EOGT: variants seen among roughly 807,000 people sequenced by gnomAD.
EOGT encodes the protein EGF domain-specific O-linked N-acetylglucosamine transferase.
EOGT carries 55 observed loss-of-function variants against 70.5 expected under a neutral mutation model. The ratio of observed to expected loss-of-function variants is 0.78; its 90% CI spans 0.63 to 0.98. The LOEUF (loss-of-function observed/expected upper bound fraction) is 0.98, where lower values mean the gene tolerates loss of function less well. Ranked by LOEUF, EOGT falls within the 50% of genes least tolerant of loss-of-function variation. EOGT has a pLI of 0.00. For missense variants in EOGT, 703 were observed against 641.9 expected, an observed-to-expected ratio of 1.10 and a Z score of -1.03; for synonymous variants, 246 against 217.1, an observed-to-expected ratio of 1.13 and a Z score of -1.17.
In EOGT at chr3:68,985,203, T is replaced by C. The variant is rs149352328; in HGVS notation, c.1152+2242A>G. ...GTTGGCTAGTGAGGCTTCTCATTTG[T>C]ATTCCCAACATTGCACTATTTGATA... is the stretch of plus-strand genomic sequence containing the variant. On this transcript the variant is annotated intron_variant, in intron 14 of 17. Transcript: ENST00000383701. Among the ~76,000 whole-genome samples the C allele has an allele frequency of 6.5e-3, 984 of 152,322 alleles. 7 individuals carry two copies. Among genetic ancestry groups the C allele is most frequent in the Middle Eastern group, 0.031 (9 of 294 alleles).
intron 3 of EOGT, among the ~76,000 whole-genome samples, chr3:69,011,299 A>C (rs547411404): frequency 9.4e-5 from 14 of 149,720 alleles, no homozygotes; most frequent in Middle Eastern, 3.4e-3. Flanking sequence ...GGAAAACCCA[A>C]CTTTCGAAAT....
At position 69,004,991 on chromosome 3, in the gene EOGT, G is replaced by A. The variant is rs1275080360; in HGVS notation, c.515+149C>T. On this transcript the variant is annotated intron_variant, in intron 7 of 17. Coordinates refer to ENST00000383701, the MANE Select transcript of EOGT (RefSeq NM_001278689.2). ...GTGGGAGGATCACTTGGGTTTGGGA[G>A]GTCACAGCTGCACTGAGCCATGATT... 7.6e-6 allele frequency: 4 copies of A among 526,542 alleles called. No homozygotes were observed. In the African/African-American group the frequency reaches 7.8e-5, roughly 10 times the overall value. The allele number at this position is 526,542 out of a possible 1,614,324, so 32.6% of individuals were successfully genotyped here. A position where few individuals can be genotyped will look rare whatever the true frequency, so the allele number is the denominator to read the frequency against.
intron 10 of EOGT, among the ~76,000 whole-genome samples, chr3:68,991,993 C>T (rs1399019361): frequency 6.6e-6 from 1 of 152,098 alleles, no homozygotes; most frequent in Non-Finnish European, 1.5e-5. Context: ...AAAGACTGGC[C>T]CTCATGATTC....
chr3:68,991,290 T>A (rs1229506969), intron 10 of EOGT, among the ~76,000 whole-genome samples: 1 of 152,226 alleles, frequency 6.6e-6, no homozygotes, highest in Non-Finnish European at 1.5e-5. Context: ...TAAAATTTCC[T>A]TTAGTGTGTC....
chr3:68,989,102 G>C, intron 10 of EOGT, 85 bp from the exon 11 acceptor site: 1 of 742,308 alleles, frequency 1.3e-6, no homozygotes, highest in Non-Finnish European at 2.1e-6. Flanking sequence ...ACCTGAATTT[G>C]CCTGTGTTAA....
intron 4 of EOGT, among the ~76,000 whole-genome samples, chr3:69,009,304 G>A (rs779248662): frequency 3.4e-4 from 51 of 152,214 alleles, no homozygotes; most frequent in Non-Finnish European, 5.6e-4. Flanking sequence ...CTCATGTGCC[G>A]TTTAAGAAAG....
chr3:68,980,646 C>A (rs979538732), intron 15 of EOGT, among the ~76,000 whole-genome samples: 3 of 152,208 alleles, frequency 2.0e-5, no homozygotes, highest in Non-Finnish European at 4.4e-5. Context: ...CCCTTTTACA[C>A]CAGCTAACAA....
At chr3:68,992,722 G>A (rs1419622905) in intron 10 of EOGT, among the ~76,000 whole-genome samples, 1 of 152,224 alleles carries the variant, frequency 6.6e-6, no homozygotes, top group African/African-American at 2.4e-5. Context: ...CACTGCCTTA[G>A]CAGAGGTTCT....
chr3:68,978,460 A>G (rs1371816609), intron 16 of EOGT, 25 bp from the exon 17 acceptor site: 6 of 1,512,142 alleles, frequency 4.0e-6, no homozygotes, highest in Non-Finnish European at 5.4e-6. Flanking sequence ...GTGTCACAAC[A>G]TGAGGCTTTT....
In EOGT at chr3:68,988,279, G is replaced by A. The variant is rs201217136; in HGVS notation, c.1083+16C>T. 1.3e-4 allele frequency: 190 copies of A among 1,510,718 alleles called. No homozygotes were observed. The highest frequency in any genetic ancestry group is 6.8e-4 in the Middle Eastern group (4 of 5,914). The allele number at this position is 1,510,718 out of a possible 1,614,324, so 93.6% of individuals were successfully genotyped here. A position where few individuals can be genotyped will look rare whatever the true frequency, so the allele number is the denominator to read the frequency against. Reference sequence around the variant, plus strand: ...AAAACTCAAGCCCACCTCAGAATCCGCAGTGTATCCATTACCTTAGGTCCT... The same window carrying A: ...AAAACTCAAGCCCACCTCAGAATCCACAGTGTATCCATTACCTTAGGTCCT... On this transcript the variant is annotated intron_variant, in intron 13 of 17. Transcript: ENST00000383701.
Position 69,004,383 on chromosome 3 carries a change from CT to C in EOGT, c.614del (p.Gln205ArgfsTer18). 6.2e-7 allele frequency: 1 copy of C among 1,612,076 alleles called. No homozygotes were observed. The highest frequency in any genetic ancestry group is 1.3e-5 in the African/African-American group (1 of 74,984). ...ATACGTTAAAAATATCTTACCATGA[CT>C]GCAGAGGGCTTTTGCGCTGACCTTC... The part of the protein sequence containing the change: ...TSEGQRKSPL[Q>X]SWFAELQSYT... On this transcript the variant is annotated frameshift_variant, in exon 8 of 18. Transcript: ENST00000383701. LOFTEE classifies it high-confidence loss of function.
chr3:68,990,601 A>T (rs564613255), intron 10 of EOGT, among the ~76,000 whole-genome samples: 9 of 152,224 alleles, frequency 5.9e-5, no homozygotes, highest in Admixed American at 4.6e-4. Flanking sequence ...TGCTCCGCCT[A>T]CCACGGCCTC....
In EOGT at chr3:69,004,450, A is replaced by T. The variant is rs773091065; in HGVS notation, c.548T>A (p.Ile183Asn). 5.0e-6 allele frequency: 8 copies of T among 1,613,946 alleles called. No homozygotes were observed. The highest frequency in any genetic ancestry group is 5.9e-6 in the Non-Finnish European group (7 of 1,179,920). The change falls in exon 8 of 18, where the codon ATT (isoleucine) becomes AAT (asparagine). Residue 183 changes from isoleucine (I) to asparagine (N), a missense_variant. Ile to Asn is a moderately radical substitution (Grantham distance 149, BLOSUM62 -3). Transcript: ENST00000383701. ...GATGTCAAGTTTACAGTGCCCTCCAATTTCACCACTCTGGAAAAAGTCCTC... is the reference window on the plus strand; with the variant it reads ...GATGTCAAGTTTACAGTGCCCTCCATTTTCACCACTCTGGAAAAAGTCCTC... ...FKEDFFQSGE[I>N]GGHCKLDIRT...
In EOGT at chr3:68,988,347, G is replaced by T. The variant is rs1324152530; in HGVS notation, c.1031C>A (p.Ala344Glu). The T allele has an allele frequency of 6.5e-7, 1 of 1,535,936 alleles. No homozygotes were observed. Among genetic ancestry groups the T allele is most frequent in the East Asian group, 2.4e-5 (1 of 40,918 alleles). ...SGCQNTGLFR[A>E]FAQHVLHRLN... is the part of the protein sequence containing the mutation. ...TCTGTGTAGTACATGCTGGGCAAAT[G>T]CCCTGAATAGTCCAGTATTTTGACA... The change falls in exon 13 of 18, where the codon GCA (alanine) becomes GAA (glutamate). Residue 344 changes from alanine to glutamate, a missense_variant. Physicochemically the swap from Ala to Glu is moderately radical, Grantham distance 107 (BLOSUM62 -1). Transcript: ENST00000383701.
intron 6 of EOGT, among the ~76,000 whole-genome samples, chr3:69,006,651 G>C (rs1465228907): frequency 6.6e-6 from 1 of 152,176 alleles, no homozygotes; most frequent in African/African-American, 2.4e-5. Context: ...ATGGCTTTAA[G>C]GCAGAGGAAA....
chr3:68,985,130 C>T (rs775090559), intron 14 of EOGT, among the ~76,000 whole-genome samples: 2 of 152,206 alleles, frequency 1.3e-5, no homozygotes, highest in Non-Finnish European at 1.5e-5. Flanking sequence ...GCTTGACCCC[C>T]AACTGCACTC....
At chr3:68,978,940 ACATATAT>A (rs200359349) in intron 16 of EOGT, among the ~76,000 whole-genome samples, 12 of 150,514 alleles carry the variant, frequency 8.0e-5, no homozygotes, top group African/African-American at 2.9e-4. Context: ...CTATTTCTCT[ACATATAT>A]CATATATATT....
intron 11 of EOGT, 147 bp downstream of exon 11, chr3:68,988,778 C>T (rs1358555941): frequency 1.3e-5 from 8 of 632,778 alleles, no homozygotes; most frequent in Non-Finnish European, 2.1e-5. Context: ...TGATTAACAA[C>T]ACTGAGGATT....
At chr3:69,002,675 G>A (rs1413054959) in intron 8 of EOGT, among the ~76,000 whole-genome samples, 1 of 145,664 alleles carries the variant, frequency 6.9e-6, no homozygotes, top group Non-Finnish European at 1.5e-5. Flanking sequence ...TTTTTTTTGA[G>A]ACAGGGTCTT....
Sources: gnomAD v4.1 joint callset for allele counts (sites outside exome capture counted in the v4.1 genomes callset) on GRCh38, gnomAD v4.1.1 for gene constraint, MANE v1.5 for transcripts, NCBI Gene and HGNC (gene_info 2026-07-23, HGNC 2026-07-21) for gene names.